FAAH2: variants seen among roughly 807,000 people sequenced by gnomAD.
The protein encoded by FAAH2 is fatty acid amide hydrolase 2, also known as fatty-acid amide hydrolase 2.
Under a neutral mutation model 36.9 loss-of-function variants are expected in FAAH2, and 60 were observed. The observed-to-expected ratio is 1.63, with a 90% CI of 1.32 to 2.02. FAAH2 has a LOEUF of 2.02. FAAH2 is among the 30% of genes most tolerant of loss of function. The pLI is 0.00. For missense variants in FAAH2, 689 were observed against 397.5 expected (o/e 1.73, Z -6.23); for synonymous variants, 214 against 143.8 (o/e 1.49, Z -3.49).
At chrX:57,349,190 TATATATACATATAC>T (rs1337355364) in intron 5 of FAAH2, among the ~76,000 whole-genome samples, 10 of 93,280 alleles carry the variant, frequency 1.1e-4, no homozygotes, top group Non-Finnish European at 2.1e-4. Flanking sequence ...TACATATATG[TATATATACATATAC>T]ATATATACAT....
chrX:57,484,309 T>C (rs1407634153), intron 10 of FAAH2, among the ~76,000 whole-genome samples: 2 of 111,163 alleles, frequency 1.8e-5, no homozygotes, highest in African/African-American at 6.5e-5. Flanking sequence ...TTGGACCCTT[T>C]GGCTTGCCCA....
At chrX:57,160,681 G>A in the FAAH2 span, among the ~76,000 whole-genome samples, 98 of 112,094 alleles carry the variant, frequency 8.7e-4, no homozygotes, top group Middle Eastern at 4.6e-3. Context: ...GGGATCGGTA[G>A]TGATATCCCC....
At chrX:57,156,303 T>C in the FAAH2 span, among the ~76,000 whole-genome samples, 1 of 112,008 alleles carries the variant, frequency 8.9e-6, no homozygotes, top group East Asian at 2.8e-4. Context: ...TTGCAGTTCA[T>C]TGAGCTTCCA....
At chrX:57,348,127 C>A (rs1356677865) in intron 5 of FAAH2, among the ~76,000 whole-genome samples, 1 of 110,465 alleles carries the variant, frequency 9.1e-6, no homozygotes, top group African/African-American at 3.3e-5. Context: ...TGTAAGCCCA[C>A]AGGTCCAGCT....
chrX:57,185,613 C>T, the FAAH2 span, among the ~76,000 whole-genome samples: 1 of 109,125 alleles, frequency 9.2e-6, no homozygotes, highest in Admixed American at 9.9e-5. Flanking sequence ...CATAAGTATA[C>T]ATATGCCATG....
chrX:57,476,671 G>T (rs1433037316), intron 10 of FAAH2, among the ~76,000 whole-genome samples: 7 of 111,185 alleles, frequency 6.3e-5, no homozygotes, highest in Non-Finnish European at 9.4e-5. Context: ...TCTCTTCCAG[G>T]TTTTGTTATC....
chrX:57,187,741 T>C, the FAAH2 span, among the ~76,000 whole-genome samples: 1 of 111,651 alleles, frequency 9.0e-6, no homozygotes, highest in Non-Finnish European at 1.9e-5. Flanking sequence ...ATATGTTGCA[T>C]CAATACCTAG....
At chrX:57,199,172 C>T in the FAAH2 span, among the ~76,000 whole-genome samples, 1 of 110,749 alleles carries the variant, frequency 9.0e-6, no homozygotes, top group Non-Finnish European at 1.9e-5. Context: ...TTTTGTACTT[C>T]TTTACAATGC....
chrX:57,323,785 T>A (rs903981200), intron 3 of FAAH2, among the ~76,000 whole-genome samples: 1 of 108,577 alleles, frequency 9.2e-6, no homozygotes. Flanking sequence ...TCCCATTTTG[T>A]AGGTTGCCTG....
chrX:57,230,532 A>G, the FAAH2 span, among the ~76,000 whole-genome samples: 191 of 111,506 alleles, frequency 1.7e-3, no homozygotes, highest in African/African-American at 6.2e-3. Context: ...AACCTATGTT[A>G]CACTTCCTTC....
the FAAH2 span, among the ~76,000 whole-genome samples, chrX:57,175,850 A>G: frequency 5.4e-5 from 6 of 111,894 alleles, no homozygotes; most frequent in African/African-American, 9.7e-5. Flanking sequence ...ACTGAATACA[A>G]AATTCTCAGG....
At chrX:57,124,908 A>AGATGATGG in the FAAH2 span, among the ~76,000 whole-genome samples, 1 of 112,358 alleles carries the variant, frequency 8.9e-6, no homozygotes, top group Admixed American at 9.4e-5. Context: ...TTTTGGGCTG[A>AGATGATGG]GATGATGGGG....
the FAAH2 span, among the ~76,000 whole-genome samples, chrX:57,235,346 C>T: frequency 2.7e-5 from 3 of 111,627 alleles, no homozygotes; most frequent in African/African-American, 9.8e-5. Context: ...GGGGATGGTA[C>T]ATGACTTATC....
chrX:57,187,223 C>G, the FAAH2 span, among the ~76,000 whole-genome samples: 1 of 110,422 alleles, frequency 9.1e-6, no homozygotes. Flanking sequence ...CATTTGTGTC[C>G]CCTTTTATTT....
intron 10 of FAAH2, 150 bp downstream of exon 10, chrX:57,448,868 C>T: frequency 1.9e-6 from 1 of 532,217 alleles, no homozygotes; most frequent in East Asian, 3.5e-5. Flanking sequence ...AAAACAGTTG[C>T]TAATGTCATA....
chrX:57,364,496 T>TCC (rs2054364723), intron 5 of FAAH2, among the ~76,000 whole-genome samples: 1 of 104,919 alleles, frequency 9.5e-6, no homozygotes. Flanking sequence ...GTCTTGTCAA[T>TCC]TCTTCCAATG....
At chrX:57,283,567 C>T (rs1326300884), upstream of FAAH2, among the ~76,000 whole-genome samples, 1 of 111,306 alleles carries the variant, frequency 9.0e-6, no homozygotes. Flanking sequence ...GGGAGCCCCT[C>T]CCCCAGGGAA....
At chrX:57,238,095 C>A in the FAAH2 span, among the ~76,000 whole-genome samples, 2 of 111,555 alleles carry the variant, frequency 1.8e-5, no homozygotes, top group East Asian at 5.6e-4. Context: ...GTGGTGATTG[C>A]TCAAAGACCT....
intron 2 of FAAH2, among the ~76,000 whole-genome samples, chrX:57,302,456 T>G (rs2052400778): frequency 8.9e-6 from 1 of 111,740 alleles, no homozygotes; most frequent in Non-Finnish European, 1.9e-5. Context: ...CCCTGACTTC[T>G]TTCAGCTCCC....
Sources: gnomAD v4.1 joint callset for allele counts (sites outside exome capture counted in the v4.1 genomes callset) on GRCh38, gnomAD v4.1.1 for gene constraint, MANE v1.5 for transcripts, NCBI Gene and HGNC (gene_info 2026-07-23, HGNC 2026-07-21) for gene names.